The following PTPN2 variants were observed in gnomAD, a reference collection of about 807,000 sequenced individuals.
PTPN2 encodes protein tyrosine phosphatase non-receptor type 2.
Under a neutral mutation model 57.3 loss-of-function variants are expected in PTPN2, and 19 were observed. The observed-to-expected ratio is 0.33, with a 90% CI of 0.23 to 0.49. The LOEUF is 0.49. Among genes scored for constraint, PTPN2 ranks in the 20% least tolerant of loss-of-function variants. The pLI is 0.99. For synonymous variants in PTPN2, 153 were observed against 164.9 expected, an observed-to-expected ratio of 0.93 and a Z score of 0.55; for missense variants, 358 against 501.1, an observed-to-expected ratio of 0.71 and a Z score of 2.73.
intron 1 of PTPN2, among the ~76,000 whole-genome samples, chr18:12,878,693 G>T (rs1210926371): frequency 1.3e-5 from 2 of 152,092 alleles, no homozygotes; most frequent in Non-Finnish European, 2.9e-5. Flanking sequence ...AATGAAGTCA[G>T]TCAGGAGTTC....
In PTPN2 at chr18:12,814,469, C is replaced by T. The variant is rs992545590; in HGVS notation, c.706-114G>A. 13 of 878,844 alleles carry T rather than the reference C, an allele frequency of 1.5e-5. No individual in the cohort carries two copies. In the Middle Eastern group the frequency reaches 8.6e-4, roughly 58 times the overall value. 54.4% of individuals were successfully genotyped at this position (878,844 alleles called of 1,614,324 possible). On this transcript the variant is annotated intron_variant, in intron 6 of 8. Coordinates refer to ENST00000309660, the MANE Select transcript of PTPN2 (RefSeq NM_002828.4). ...TGCATTTTCTCCTCTGAAAGAACAA[C>T]GATAATTTAACCCTCCAGCTATAAC...
intron 1 of PTPN2, chr18:12,863,484 T>A (rs59471125): frequency 0.073 from 10,364 of 142,416 alleles, 524 homozygotes; most frequent in East Asian, 0.14. Flanking sequence ...CCATCAGCAG[T>A]GAAACCTGTT....
chr18:12,796,117 T>A (rs1009585254), intron 8 of PTPN2, among the ~76,000 whole-genome samples: 4 of 152,120 alleles, frequency 2.6e-5, no homozygotes. Flanking sequence ...AAAAGATATC[T>A]GGCCTAGAAG....
chr18:12,833,032 G>A (rs2145380816), intron 3 of PTPN2, among the ~76,000 whole-genome samples: 1 of 152,138 alleles, frequency 6.6e-6, no homozygotes, highest in Non-Finnish European at 1.5e-5. Flanking sequence ...CAGGTGATCT[G>A]CCTGCCTCAG....
intron 2 of PTPN2, among the ~76,000 whole-genome samples, chr18:12,852,252 A>G (rs1318015586): frequency 6.7e-6 from 1 of 148,172 alleles, no homozygotes; most frequent in South Asian, 2.1e-4. Context: ...GGCCAGTGAA[A>G]AGACATGACA....
intron 7 of PTPN2, among the ~76,000 whole-genome samples, chr18:12,804,289 C>CAAA (rs59927276): frequency 0.081 from 5,419 of 67,312 alleles, 326 homozygotes; most frequent in Non-Finnish European, 0.11. Flanking sequence ...GAAACTGTCT[C>CAAA]AAAAAAAAAA....
chr18:12,795,299 G>A (rs1051010464), intron 8 of PTPN2, among the ~76,000 whole-genome samples: 3 of 152,092 alleles, frequency 2.0e-5, no homozygotes, highest in East Asian at 1.9e-4. Context: ...TTGGGGTGGT[G>A]GGGGAGGCGG....
chr18:12,868,346 C>CG (rs1568165928), intron 1 of PTPN2, among the ~76,000 whole-genome samples: 2 of 152,024 alleles, frequency 1.3e-5, no homozygotes, highest in Non-Finnish European at 2.9e-5. Flanking sequence ...CTCCGCCTCC[C>CG]GGGTTCAAGT....
chr18:12,836,953 T>G, intron 2 of PTPN2, 62 bp from the exon 3 acceptor site: 1 of 976,204 alleles, frequency 1.0e-6, no homozygotes, highest in Non-Finnish European at 1.6e-6. Context: ...TATCTTCATA[T>G]TAATATTCTA....
At chr18:12,867,753 G>C (rs1487121645) in intron 1 of PTPN2, among the ~76,000 whole-genome samples, 1 of 152,170 alleles carries the variant, frequency 6.6e-6, no homozygotes, top group Non-Finnish European at 1.5e-5. Context: ...AGCCACCTCA[G>C]TGTTCTGCAT....
At chr18:12,865,208 A>T (rs1400835070) in intron 1 of PTPN2, among the ~76,000 whole-genome samples, 1 of 152,088 alleles carries the variant, frequency 6.6e-6, no homozygotes, top group African/African-American at 2.4e-5. Flanking sequence ...ATACTTTGGG[A>T]GGCTGAGGTG....
chr18:12,850,562 T>C (rs1256637540), intron 2 of PTPN2, among the ~76,000 whole-genome samples: 2 of 152,124 alleles, frequency 1.3e-5, no homozygotes, highest in Admixed American at 6.5e-5. Flanking sequence ...TTAGCTCCTT[T>C]ACACAAGTTT....
At chr18:12,875,116 C>A (rs1399512061) in intron 1 of PTPN2, among the ~76,000 whole-genome samples, 1 of 152,016 alleles carries the variant, frequency 6.6e-6, no homozygotes, top group Non-Finnish European at 1.5e-5. Context: ...GCAGCATGCT[C>A]GTTAACAGTC....
At chr18:12,845,590 A>G (rs759232158) in intron 2 of PTPN2, among the ~76,000 whole-genome samples, 3 of 152,198 alleles carry the variant, frequency 2.0e-5, no homozygotes, top group Non-Finnish European at 2.9e-5. Context: ...TGTTGGGTAG[A>G]TTCTTTGCAA....
chr18:12,846,621 C>G lies in PTPN2; in HGVS notation c.161-9730G>C, dbSNP rs1175445787. Among the ~76,000 whole-genome samples the G allele has an allele frequency of 1.3e-5, 2 of 152,302 alleles. 1 individual carries two copies. The highest frequency in any genetic ancestry group is 6.8e-3 in the Middle Eastern group (2 of 294). ...ACATTCCAGGCTATTCTTACACTTT[C>G]CCTGTCGCAGACGTGGAACCAGCCA... is the stretch of plus-strand genomic sequence containing the variant. On this transcript the variant is annotated intron_variant, in intron 2 of 8. Coordinates refer to ENST00000309660, the MANE Select transcript of PTPN2 (RefSeq NM_002828.4).
chr18:12,809,562 T>C (rs10502415), intron 7 of PTPN2, among the ~76,000 whole-genome samples: 23,334 of 152,206 alleles, frequency 0.15, 2,008 homozygotes, highest in African/African-American at 0.22. Context: ...TGACTGACAC[T>C]GGCCCAAATG....
intron 1 of PTPN2, among the ~76,000 whole-genome samples, chr18:12,876,585 A>C (rs2044500094): frequency 6.6e-6 from 1 of 152,254 alleles, no homozygotes. Flanking sequence ...ATCTATAAAC[A>C]CATGTCAAAG....
intron 7 of PTPN2, among the ~76,000 whole-genome samples, chr18:12,810,938 T>TG (rs1168378627): frequency 6.6e-6 from 1 of 152,210 alleles, no homozygotes; most frequent in Non-Finnish European, 1.5e-5. Context: ...TTCACTTAGA[T>TG]GACTGTCTAT....
chr18:12,829,943 T>C (rs1229372921), intron 4 of PTPN2, among the ~76,000 whole-genome samples: 1 of 152,200 alleles, frequency 6.6e-6, no homozygotes, highest in Non-Finnish European at 1.5e-5. Flanking sequence ...CTGACTCTTG[T>C]TAACCATCTA....
Sources: gnomAD v4.1 joint callset for allele counts (sites outside exome capture counted in the v4.1 genomes callset) on GRCh38, gnomAD v4.1.1 for gene constraint, MANE v1.5 for transcripts, NCBI Gene and HGNC (gene_info 2026-07-23, HGNC 2026-07-21) for gene names.